The following GDAP1L1 variants were observed in gnomAD, a reference collection of about 807,000 sequenced individuals.
GDAP1L1 encodes the protein ganglioside-induced differentiation-associated protein 1-like 1.
GDAP1L1 carries 21 observed loss-of-function variants against 37.1 expected under a neutral mutation model. The observed-to-expected ratio is 0.57, with a 90% CI of 0.40 to 0.81. The LOEUF (loss-of-function observed/expected upper bound fraction) is 0.81, where lower values mean the gene tolerates loss of function less well. GDAP1L1 is among the 40% of genes least tolerant of loss of function. The pLI is 0.00. For synonymous variants in GDAP1L1, 193 were observed against 209.1 expected, an observed-to-expected ratio of 0.92 and a Z score of 0.67; for missense variants, 362 against 491.6, an observed-to-expected ratio of 0.74 and a Z score of 2.49.
At chr20:44,264,712 T>A (rs2073734487) in intron 5 of GDAP1L1, 153 bp downstream of exon 5, 1 of 1,445,418 alleles carries the variant, frequency 6.9e-7, no homozygotes. Flanking sequence ...GTTCAAGTCA[T>A]AACTTGGCCA....
chr20:44,253,113 T>C (rs2073476269), intron 1 of GDAP1L1, among the ~76,000 whole-genome samples: 3 of 152,316 alleles, frequency 2.0e-5, no homozygotes, highest in African/African-American at 7.2e-5. Context: ...CCTGACACCA[T>C]GGTACCCCGA....
At chr20:44,265,525 A>G in intron 5 of GDAP1L1, 1 of 972,428 alleles carries the variant, frequency 1.0e-6, no homozygotes, top group African/African-American at 1.8e-5. Context: ...ATGGGGTTAG[A>G]GTAAGAAAAA....
At chr20:44,259,026 G>T (rs532683463) in intron 3 of GDAP1L1, among the ~76,000 whole-genome samples, 351 of 148,148 alleles carry the variant, frequency 2.4e-3, no homozygotes, top group Non-Finnish European at 3.6e-3. Context: ...CTCCCCGCAC[G>T]AGTTTCAGCC....
At chr20:44,248,907 G>C (rs2073386349) in intron 1 of GDAP1L1, among the ~76,000 whole-genome samples, 1 of 152,330 alleles carries the variant, frequency 6.6e-6, no homozygotes, top group East Asian at 1.9e-4. Context: ...TTTATAATCT[G>C]TAAAATGGGG....
chr20:44,278,935 C>T (rs2062612689), intron 5 of GDAP1L1, 22 bp from the exon 6 acceptor site: 1 of 1,544,258 alleles, frequency 6.5e-7, no homozygotes, highest in East Asian at 2.3e-5. Flanking sequence ...GATCCCCTTG[C>T]CTCCTCTTTC....
In GDAP1L1 at chr20:44,277,255, C is replaced by T. The variant is rs150594321; in HGVS notation, c.761-1702C>T. ...GTGCTGGGATTACAGGCGTGAGCCA[C>T]GGCGCCCAGCCAAAACTTCCGTTTT... On this transcript the variant is annotated intron_variant, in intron 5 of 5. Transcript: ENST00000342560. Among the ~76,000 whole-genome samples, 1,243 of 152,270 alleles carry T rather than the reference C, an allele frequency of 8.2e-3. 16 individuals are homozygous for T. The highest frequency in any genetic ancestry group is 0.028 in the African/African-American group (1,150 of 41,532).
At chr20:44,276,410 GA>G (rs1457237091) in intron 5 of GDAP1L1, among the ~76,000 whole-genome samples, 61 of 24,878 alleles carry the variant, frequency 2.5e-3, no homozygotes, top group African/African-American at 9.0e-3. Context: ...AAAGAAAAAA[GA>G]AAAAGAAAGA....
At chr20:44,262,300 A>T (rs2073687132) in intron 3 of GDAP1L1, among the ~76,000 whole-genome samples, 1 of 152,094 alleles carries the variant, frequency 6.6e-6, no homozygotes, top group Admixed American at 6.5e-5. Flanking sequence ...GAGGAGGTTA[A>T]ATGTGAAAAA....
chr20:44,257,487 G>A lies in GDAP1L1; in HGVS notation c.373+142G>A, dbSNP rs937338637. 13 of 805,738 alleles carry A rather than the reference G, an allele frequency of 1.6e-5. No homozygotes were observed. In the Admixed American group the frequency reaches 2.0e-4, roughly 12 times the overall value. The allele number at this position is 805,738 out of a possible 1,614,324, so 49.9% of individuals were successfully genotyped here. On this transcript the variant is annotated intron_variant, in intron 2 of 5. Coordinates refer to ENST00000342560, the MANE Select transcript of GDAP1L1 (RefSeq NM_024034.6). ...GGCAAGGCCCAGTCTCCCCAAAAAG[G>A]AGCCACAGAGCCACAGGCAGGGTTC...
intron 5 of GDAP1L1, among the ~76,000 whole-genome samples, chr20:44,269,787 C>T (rs1406440004): frequency 6.6e-6 from 1 of 151,988 alleles, no homozygotes; most frequent in Non-Finnish European, 1.5e-5. Flanking sequence ...AAGAATTAGC[C>T]GGGTGTGGTG....
chr20:44,264,821 G>C (rs1005241988), intron 5 of GDAP1L1: 2 of 1,151,264 alleles, frequency 1.7e-6, no homozygotes, highest in African/African-American at 3.2e-5. Context: ...TCAAAGAGCT[G>C]TTGAGACATT....
At chr20:44,252,531 T>C (rs1267911392) in intron 1 of GDAP1L1, among the ~76,000 whole-genome samples, 1 of 152,120 alleles carries the variant, frequency 6.6e-6, no homozygotes, top group Non-Finnish European at 1.5e-5. Context: ...TCCCAGCTAC[T>C]CGGGAGGCTG....
chr20:44,277,768 A>G (rs1158266579), intron 5 of GDAP1L1, among the ~76,000 whole-genome samples: 1 of 152,250 alleles, frequency 6.6e-6, no homozygotes, highest in African/African-American at 2.4e-5. Context: ...CGGTACAAGT[A>G]GAGGCAGTAT....
intron 5 of GDAP1L1, among the ~76,000 whole-genome samples, chr20:44,275,255 C>T (rs988719708): frequency 1.3e-5 from 2 of 152,200 alleles, no homozygotes; most frequent in Non-Finnish European, 2.9e-5. Flanking sequence ...CTTCATTACA[C>T]TTTACCCCTT....
At position 44,257,163 on chromosome 20, in the gene GDAP1L1, T is replaced by C; in HGVS notation, c.191T>C (p.Val64Ala). 2 of 1,584,278 alleles carry C rather than the reference T, an allele frequency of 1.3e-6. No individual in the cohort carries two copies. The highest frequency in any genetic ancestry group is 1.7e-6 in the Non-Finnish European group (2 of 1,168,324). The change falls in exon 2 of 6, where the codon GTG (valine) becomes GCG (alanine). Residue 64 changes from valine to alanine, a missense_variant. Transcript: ENST00000342560. Reference sequence around the variant, plus strand: ...CCCTGGCGCCTGCAGGTGCGGCTGGTGATCGCCGAGAAGGGCCTGGTGTGC... The same window carrying C: ...CCCTGGCGCCTGCAGGTGCGGCTGGCGATCGCCGAGAAGGGCCTGGTGTGC... ...QSFSSQKVRL[V>A]IAEKGLVCEE...
In GDAP1L1 at chr20:44,276,433, AAAGAAAGAAAG is replaced by A. The variant is rs1332383073; in HGVS notation, c.761-2521_761-2511del. ...AAGAAAAAGAAAGAAAGAAAGAAAGAAAGAAAGAAAGAAAGAAAGAAAGAAAGAAAGAAAAA... is the reference window on the plus strand; with the variant it reads ...AAGAAAAAGAAAGAAAGAAAGAAAGAAAAGAAAGAAAGAAAGAAAGAAAAA... On this transcript the variant is annotated intron_variant, in intron 5 of 5. Transcript: ENST00000342560. 1.4e-4 allele frequency among the ~76,000 whole-genome samples: 20 copies of A among 143,214 alleles called. No individual in the cohort carries two copies. The East Asian group carries it at 1.4e-3, about 10-fold the overall frequency. 94.0% of individuals were successfully genotyped at this position (143,214 alleles called of 152,430 possible).
chr20:44,265,393 G>A (rs1323738466), intron 5 of GDAP1L1: 3 of 985,224 alleles, frequency 3.0e-6, no homozygotes, highest in East Asian at 1.1e-4. Flanking sequence ...ATCTTGCTCC[G>A]TTTAAGACCT....
At chr20:44,272,701 C>A (rs755553943) in intron 5 of GDAP1L1, among the ~76,000 whole-genome samples, 1 of 152,136 alleles carries the variant, frequency 6.6e-6, no homozygotes, top group Non-Finnish European at 1.5e-5. Context: ...GCTGCCCAGG[C>A]GCACACACAA....
rs1004111053 is a variant in GDAP1L1, at chr20:44,258,720, C to G, written c.547+113C>G. 13 of 742,760 alleles carry G rather than the reference C, an allele frequency of 1.8e-5. No homozygotes were observed. The East Asian group carries it at 3.5e-4, about 20-fold the overall frequency. 46.0% of individuals were successfully genotyped at this position (742,760 alleles called of 1,614,324 possible). A position where few individuals can be genotyped will look rare whatever the true frequency, so the allele number is the denominator to read the frequency against. Reference sequence around the variant, plus strand: ...CTCTCTCTGTCCTCCCCTTCCTCCTCCTTCTCTCCCTCTTGCATTCTCCAT... The same window carrying G: ...CTCTCTCTGTCCTCCCCTTCCTCCTGCTTCTCTCCCTCTTGCATTCTCCAT... On this transcript the variant is annotated intron_variant, in intron 3 of 5. Coordinates refer to ENST00000342560, the MANE Select transcript of GDAP1L1 (RefSeq NM_024034.6).
Sources: allele counts gnomAD v4.1 joint callset (sites outside exome capture counted in the v4.1 genomes callset), GRCh38; gene constraint gnomAD v4.1.1; transcripts MANE v1.5; gene names NCBI Gene and HGNC (gene_info 2026-07-23, HGNC 2026-07-21).